Variants in ZNF577 observed in about 807,000 individuals in gnomAD.
ZNF577 encodes the protein zinc finger protein 577.
ZNF577 carries 14 observed loss-of-function variants against 13.9 expected under a neutral mutation model. The observed-to-expected ratio is 1.00, with a 90% CI of 0.66 to 1.57. The LOEUF (loss-of-function observed/expected upper bound fraction) is 1.57, where lower values mean the gene tolerates loss of function less well. ZNF577 is among the 40% of genes most tolerant of loss of function. The pLI is 0.00. For missense variants in ZNF577, 555 were observed against 579.2 expected (o/e 0.96, Z 0.43); for synonymous variants, 203 against 202.9 (o/e 1.00, Z 0.00).
At position 51,869,843 on chromosome 19, in the gene ZNF577, T is replaced by C. The variant is rs187605797; in HGVS notation, c.*2689A>G. 1.2e-4 allele frequency among the ~76,000 whole-genome samples: 19 copies of C among 152,264 alleles called. No individual in the cohort carries two copies. The highest frequency in any genetic ancestry group is 3.9e-4 in the Admixed American group (6 of 15,290). ...ATAAACCTCAACTGCCCAGCACAGG[T>C]GTCTCAAGCACTGCCCATGGCCAAA... On this transcript the variant is annotated 3_prime_UTR_variant, in exon 6 of 6. Transcript: ENST00000638348.
rs1407050353 is a variant in ZNF577 at position 51,873,060 on chromosome 19, C to T, written c.930G>A (p.Lys310=). ...CSDCGRTFYF[K]SDLTRHQRIH... ...TCCTCTGATGTCTGGTCAGGTCTGA[C>T]TTAAAATAGAAGGTTCTTCCACAAT... Residue 310 remains lysine (K), a synonymous_variant, in exon 6 of 6, where the codon AAG becomes AAA. Coordinates refer to ENST00000638348, the MANE Select transcript of ZNF577 (RefSeq NM_001370449.1). 6.2e-7 allele frequency: 1 copy of T among 1,614,060 alleles called. No individual in the cohort carries two copies. Among genetic ancestry groups the T allele is most frequent in the Non-Finnish European group, 8.5e-7 (1 of 1,180,050 alleles).
chr19:51,872,627 C>T lies in ZNF577; in HGVS notation c.1363G>A (p.Glu455Lys). Reference protein sequence around the residue: ...PRNQAFVVNQEFEQRISLTNE... With the variant: ...PRNQAFVVNQKFEQRISLTNE... ...GTGAGGCTTATTCTCTGTTCAAATT[C>T]CTGATTAACTACAAAGGCTTGATTT... Residue 455 changes from glutamate to lysine, a missense_variant, in exon 6 of 6, where the codon GAA becomes AAA. Coordinates refer to ENST00000638348, the MANE Select transcript of ZNF577 (RefSeq NM_001370449.1). 1 of 1,614,126 alleles carries T rather than the reference C, an allele frequency of 6.2e-7. No homozygotes were observed. Among genetic ancestry groups the T allele is most frequent in the East Asian group, 2.2e-5 (1 of 44,880 alleles).
chr19:51,813,094 G>A (rs538696605), intron 9 of ZNF577, among the ~76,000 whole-genome samples: 241 of 151,158 alleles, frequency 1.6e-3, no homozygotes, highest in African/African-American at 5.4e-3. Flanking sequence ...ACTCCAGCAT[G>A]GGTGACAGAG....
intron 5 of ZNF577, among the ~76,000 whole-genome samples, chr19:51,847,465 T>TG (rs2084358697): frequency 6.6e-6 from 1 of 152,008 alleles, no homozygotes; most frequent in East Asian, 1.9e-4. Flanking sequence ...TACTCAAACT[T>TG]GGACCCCTGA....
rs1568445535 is a variant in ZNF577, at chr19:51,868,211, C to T, written c.*4321G>A. Among the ~76,000 whole-genome samples, 1 of 152,196 alleles carries T rather than the reference C, an allele frequency of 6.6e-6. No individual in the cohort carries two copies. Among genetic ancestry groups the T allele is most frequent in the Non-Finnish European group, 1.5e-5 (1 of 68,026 alleles). On this transcript the variant is annotated 3_prime_UTR_variant, in exon 6 of 6. Coordinates refer to ENST00000638348, the MANE Select transcript of ZNF577 (RefSeq NM_001370449.1). ...TGCTGACTTAGTCCTCAAAGCACTG[C>T]ATTGTAGACACTGTTCTAGAAGCTT...
At chr19:51,879,812 C>T (rs1455547236) in intron 3 of ZNF577, among the ~76,000 whole-genome samples, 7 of 152,076 alleles carry the variant, frequency 4.6e-5, no homozygotes, top group Non-Finnish European at 1.5e-5. Flanking sequence ...GAATCTCTTG[C>T]GTGCAAATGT....
intron 9 of ZNF577, among the ~76,000 whole-genome samples, chr19:51,832,310 A>T (rs1022117517): frequency 2.0e-5 from 3 of 151,708 alleles, no homozygotes; most frequent in Non-Finnish European, 4.4e-5. Context: ...ATTTTTTTTT[A>T]ATTTGTATTG....
chr19:51,881,948 G>A (rs1265576242), intron 1 of ZNF577, among the ~76,000 whole-genome samples: 1 of 152,134 alleles, frequency 6.6e-6, no homozygotes, highest in East Asian at 1.9e-4. Flanking sequence ...AGACTCTCTA[G>A]CAAGCCTGTA....
chr19:51,861,060 C>T, intron 5 of ZNF577: 1 of 372,626 alleles, frequency 2.7e-6, no homozygotes, highest in South Asian at 2.0e-5. Flanking sequence ...TGGAAAGCTT[C>T]TAGTTTTCTA....
chr19:51,865,736 T>C (rs562344326), downstream of ZNF577, among the ~76,000 whole-genome samples: 25 of 152,302 alleles, frequency 1.6e-4, no homozygotes, highest in Middle Eastern at 3.4e-3. Context: ...TCAGCTCCTT[T>C]ACTTTCCAGG....
intron 1 of ZNF577, among the ~76,000 whole-genome samples, 164 bp downstream of exon 1, chr19:51,886,657 A>T (rs2084951364): frequency 1.3e-5 from 2 of 152,260 alleles, no homozygotes; most frequent in African/African-American, 4.8e-5. Flanking sequence ...AAAACTTGAT[A>T]AATCACAGTA....
At chr19:51,828,674 C>T (rs2084244417) in intron 9 of ZNF577, among the ~76,000 whole-genome samples, 1 of 152,084 alleles carries the variant, frequency 6.6e-6, no homozygotes, top group Admixed American at 6.5e-5. Context: ...GGGACAGTTA[C>T]CACAAAGAAA....
intron 4 of ZNF577, 85 bp from the exon 5 acceptor site, chr19:51,877,462 G>A (rs1017511945): frequency 4.5e-6 from 5 of 1,108,500 alleles, no homozygotes; most frequent in Non-Finnish European, 5.4e-6. Context: ...AGGAACCACA[G>A]CATTTGCACT....
intron 9 of ZNF577, among the ~76,000 whole-genome samples, chr19:51,829,881 A>G (rs2084253081): frequency 6.6e-6 from 1 of 152,152 alleles, no homozygotes; most frequent in Non-Finnish European, 1.5e-5. Context: ...AGCCACTCAG[A>G]GGTCAAGTGG....
intron 5 of ZNF577, among the ~76,000 whole-genome samples, chr19:51,856,169 C>G (rs983885416): frequency 3.3e-5 from 5 of 152,156 alleles, no homozygotes; most frequent in Non-Finnish European, 7.3e-5. Flanking sequence ...CTCTGCTATT[C>G]TGGACATCAT....
At chr19:51,839,353 C>G (rs1439739098) in intron 9 of ZNF577, among the ~76,000 whole-genome samples, 1 of 152,138 alleles carries the variant, frequency 6.6e-6, no homozygotes, top group Non-Finnish European at 1.5e-5. Context: ...ATGATCACCC[C>G]TCTGCACTCC....
At chr19:51,851,209 A>C (rs2122564004) in intron 5 of ZNF577, among the ~76,000 whole-genome samples, 1 of 152,332 alleles carries the variant, frequency 6.6e-6, no homozygotes, top group Non-Finnish European at 1.5e-5. Flanking sequence ...TTTGCCAGGC[A>C]TTTCAGATAC....
At chr19:51,849,679 T>C (rs2084370485) in intron 5 of ZNF577, among the ~76,000 whole-genome samples, 1 of 152,210 alleles carries the variant, frequency 6.6e-6, no homozygotes, top group South Asian at 2.1e-4. Flanking sequence ...GGAACCCTCA[T>C]ACACTGTTAG....
At chr19:51,861,857 A>G (rs1354425523) in intron 5 of ZNF577, 3 of 152,454 alleles carry the variant, frequency 2.0e-5, no homozygotes, top group African/African-American at 7.2e-5. Flanking sequence ...GGATTTAACT[A>G]TGATGGCTTT....
Sources: gnomAD v4.1 joint callset for allele counts (sites outside exome capture counted in the v4.1 genomes callset) on GRCh38, gnomAD v4.1.1 for gene constraint, MANE v1.5 for transcripts, NCBI Gene and HGNC (gene_info 2026-07-23, HGNC 2026-07-21) for gene names.